The following NUP210L variants were observed in gnomAD, a reference collection of about 807,000 sequenced individuals.
NUP210L encodes the protein nuclear pore membrane glycoprotein 210-like.
In NUP210L, 74 loss-of-function variants were observed where a neutral mutation model predicts 208.5. The observed-to-expected ratio is 0.35, with a 90% CI of 0.29 to 0.43. The LOEUF is 0.43. Ranked by LOEUF, NUP210L falls within the 20% of genes least tolerant of loss-of-function variation. NUP210L has a pLI of 1.00. For missense variants in NUP210L, 1,843 were observed against 2,289.4 expected (o/e 0.81, Z 3.98); for synonymous variants, 780 against 816.9 (o/e 0.95, Z 0.77).
intron 16 of NUP210L, among the ~76,000 whole-genome samples, chr1:154,072,832 T>G (rs1654827430): frequency 6.6e-6 from 1 of 152,122 alleles, no homozygotes; most frequent in African/African-American, 2.4e-5. Flanking sequence ...AAGATAACAT[T>G]GGAAAAACCC....
At chr1:154,054,893 A>C in intron 23 of NUP210L, 61 bp from the exon 24 acceptor site, 503 of 1,193,306 alleles carry the variant, frequency 4.2e-4, no homozygotes, top group Non-Finnish European at 5.6e-4. Context: ...ATAACATATC[A>C]TGGTCATTTA....
At chr1:154,000,496 A>G (rs1650148968) in intron 37 of NUP210L, among the ~76,000 whole-genome samples, 1 of 152,222 alleles carries the variant, frequency 6.6e-6, no homozygotes, top group African/African-American at 2.4e-5. Context: ...AGCCATTATT[A>G]AGTAAAATAA....
At chr1:154,116,062 T>C (rs1225851915) in intron 12 of NUP210L, among the ~76,000 whole-genome samples, 3 of 152,138 alleles carry the variant, frequency 2.0e-5, no homozygotes, top group Non-Finnish European at 4.4e-5. Flanking sequence ...GAGACCAGCC[T>C]GGCTAGCACG....
intron 15 of NUP210L, among the ~76,000 whole-genome samples, chr1:154,093,618 T>C (rs952410042): frequency 2.6e-5 from 4 of 151,850 alleles, no homozygotes; most frequent in African/African-American, 9.7e-5. Flanking sequence ...AACCTGTCTC[T>C]AAAATATAAA....
At chr1:154,042,088 C>A (rs1652913967) in intron 27 of NUP210L, among the ~76,000 whole-genome samples, 1 of 151,966 alleles carries the variant, frequency 6.6e-6, no homozygotes, top group African/African-American at 2.4e-5. Flanking sequence ...GAAGGCCTTT[C>A]CCTCTCTCTC....
chr1:154,135,215 C>T lies in NUP210L; in HGVS notation c.1009+599G>A, dbSNP rs565074460. 7.2e-4 allele frequency among the ~76,000 whole-genome samples: 110 copies of T among 152,276 alleles called. 1 individual carries two copies. Among genetic ancestry groups the T allele is most frequent in the African/African-American group, 2.6e-3 (107 of 41,566 alleles). Reference sequence around the variant, plus strand: ...TAAAATTCTCACATGTTCTTCCAAACTCCGTTTTCCCCATTCCCCTAATTA... The same window carrying T: ...TAAAATTCTCACATGTTCTTCCAAATTCCGTTTTCCCCATTCCCCTAATTA... On this transcript the variant is annotated intron_variant, in intron 7 of 39. Transcript: ENST00000368559.
At chr1:154,043,628 C>CTTT (rs898755429) in intron 27 of NUP210L, among the ~76,000 whole-genome samples, 6 of 132,020 alleles carry the variant, frequency 4.5e-5, no homozygotes, top group Admixed American at 8.0e-5. Flanking sequence ...TGCACCCGGC[C>CTTT]TTTTTTTTTT....
chr1:154,001,097 A>G lies in NUP210L; in HGVS notation c.5182-37T>C, dbSNP rs1355492589. On this transcript the variant is annotated intron_variant, in intron 36 of 39. Transcript: ENST00000368559. ...GATAAAACCTTTTATTTAAAAGAAG[A>G]AAAATCAACTTTGTATCAGTATGTT... 11 of 1,557,904 alleles carry G rather than the reference A, an allele frequency of 7.1e-6. No homozygotes were observed. In the Admixed American group the frequency reaches 1.9e-4, roughly 27 times the overall value.
intron 29 of NUP210L, among the ~76,000 whole-genome samples, chr1:154,026,167 T>C (rs974480621): frequency 6.6e-6 from 1 of 151,786 alleles, no homozygotes; most frequent in Non-Finnish European, 1.5e-5. Context: ...CCTGGGAGGC[T>C]GAGGTTGCAG....
intron 37 of NUP210L, among the ~76,000 whole-genome samples, chr1:153,999,197 T>C (rs1650064865): frequency 1.3e-5 from 2 of 152,190 alleles, no homozygotes; most frequent in African/African-American, 4.8e-5. Context: ...TTCCCAGTAA[T>C]TAAGTAGCTT....
chr1:154,110,583 G>C (rs1656988937), intron 12 of NUP210L, among the ~76,000 whole-genome samples: 1 of 151,432 alleles, frequency 6.6e-6, no homozygotes, highest in African/African-American at 2.4e-5. Flanking sequence ...GTATCTTAAA[G>C]AACTGGAAAA....
chr1:154,070,272 C>T lies in NUP210L; in HGVS notation c.2554+1G>A. 6.4e-7 allele frequency: 1 copy of T among 1,573,578 alleles called. No homozygotes were observed. ...AAAAGACTTGTATATTTTCACAATA[C>T]CATGTAACCGGGTCTGCCCACTGCC... On this transcript the variant is annotated splice_donor_variant, in intron 17 of 39. Transcript: ENST00000368559. LOFTEE classifies it high-confidence loss of function.
At chr1:154,073,814 CAATAAATA>C (rs3073948) in intron 16 of NUP210L, among the ~76,000 whole-genome samples, 1,388 of 131,020 alleles carry the variant, frequency 0.011, 15 homozygotes, top group Admixed American at 0.021. Context: ...GACTCTGTCT[CAATAAATA>C]AATAAATAAA....
At chr1:154,137,485 A>T (rs896182460) in intron 6 of NUP210L, among the ~76,000 whole-genome samples, 1 of 150,548 alleles carries the variant, frequency 6.6e-6, no homozygotes, top group Non-Finnish European at 1.5e-5. Context: ...CCAGAGGTGG[A>T]GGTTGCAGTG....
At chr1:154,150,062 C>A (rs1558011995) in intron 2 of NUP210L, among the ~76,000 whole-genome samples, 1 of 152,114 alleles carries the variant, frequency 6.6e-6, no homozygotes, top group Non-Finnish European at 1.5e-5. Flanking sequence ...ACCCCTACCT[C>A]TATAAAAATT....
chr1:154,079,962 G>A (rs1164762471), intron 16 of NUP210L: 1 of 152,202 alleles, frequency 6.6e-6, no homozygotes, highest in African/African-American at 2.4e-5. Flanking sequence ...AGTTTCAGTT[G>A]TAAACAAAAG....
chr1:154,018,977 T>C (rs560977517), exon 33 of NUP210L: 6 of 1,614,174 alleles, frequency 3.7e-6, no homozygotes, highest in East Asian at 2.2e-5. Context: ...TGAAAAATCA[T>C]TGCAGTCCCC....
At chr1:154,039,626 C>T (rs1483330468) in intron 27 of NUP210L, among the ~76,000 whole-genome samples, 1 of 152,184 alleles carries the variant, frequency 6.6e-6, no homozygotes, top group African/African-American at 2.4e-5. Flanking sequence ...TTAAATATGT[C>T]ATGCCACTCT....
intron 10 of NUP210L, among the ~76,000 whole-genome samples, chr1:154,122,181 T>C (rs537756369): frequency 1.2e-4 from 19 of 152,200 alleles, no homozygotes; most frequent in South Asian, 6.2e-4. Flanking sequence ...ATTCAACCAC[T>C]TAGATAAAAT....
Sources: allele counts gnomAD v4.1 joint callset (sites outside exome capture counted in the v4.1 genomes callset), GRCh38; gene constraint gnomAD v4.1.1; transcripts MANE v1.5; gene names NCBI Gene and HGNC (gene_info 2026-07-23, HGNC 2026-07-21).